Variants in PDE1C observed in about 807,000 individuals in gnomAD.
The protein encoded by PDE1C is phosphodiesterase 1C, also known as dual specificity calcium/calmodulin-dependent 3',5'-cyclic nucleotide phosphodiesterase 1C.
In PDE1C, 62 loss-of-function variants were observed where a neutral mutation model predicts 93.1. The ratio of observed to expected loss-of-function variants is 0.67; its 90% CI spans 0.54 to 0.82. PDE1C has a LOEUF of 0.82. Among genes scored for constraint, PDE1C ranks in the 40% least tolerant of loss-of-function variants. The probability of loss-of-function intolerance (pLI) is 0.00; values close to 1 mark genes in which losing one functional copy is unlikely to be tolerated. For synonymous variants in PDE1C, 325 were observed against 310.1 expected (o/e 1.05, Z -0.50); for missense variants, 742 against 884.6 (o/e 0.84, Z 2.04).
chr7:31,898,235 T>G (rs1799555732), intron 2 of PDE1C, among the ~76,000 whole-genome samples: 1 of 152,124 alleles, frequency 6.6e-6, no homozygotes, highest in African/African-American at 2.4e-5. Context: ...TTTAAAAGAA[T>G]CTATGGTTAT....
intron 1 of PDE1C, among the ~76,000 whole-genome samples, chr7:32,409,579 GA>G (rs1194697066): frequency 6.6e-6 from 1 of 151,924 alleles, no homozygotes; most frequent in Non-Finnish European, 1.5e-5. Flanking sequence ...AAGTAAAGTT[GA>G]TTCTAGAAAG....
At chr7:32,215,005 G>T (rs745860431) in intron 1 of PDE1C, among the ~76,000 whole-genome samples, 1 of 120,936 alleles carries the variant, frequency 8.3e-6, no homozygotes, top group African/African-American at 2.6e-5. Flanking sequence ...GATGATGCAG[G>T]TTCCTTGGTC....
At chr7:32,303,960 G>A (rs1045455097), upstream of PDE1C, among the ~76,000 whole-genome samples, 3 of 152,260 alleles carry the variant, frequency 2.0e-5, no homozygotes, top group Non-Finnish European at 4.4e-5. Flanking sequence ...TTTTATCATA[G>A]CCTTTGAAGT....
At chr7:32,220,625 C>A (rs1285851818) in intron 1 of PDE1C, among the ~76,000 whole-genome samples, 1 of 151,894 alleles carries the variant, frequency 6.6e-6, no homozygotes. Context: ...ACCATCCTGG[C>A]TAACACAGTG....
intron 2 of PDE1C, among the ~76,000 whole-genome samples, chr7:31,896,702 T>G (rs1001484654): frequency 5.3e-5 from 8 of 152,208 alleles, no homozygotes; most frequent in Non-Finnish European, 1.2e-4. Flanking sequence ...GGAATATTTT[T>G]TAAAGTACAG....
chr7:31,934,702 G>A (rs578169114), intron 2 of PDE1C, among the ~76,000 whole-genome samples: 11 of 152,258 alleles, frequency 7.2e-5, no homozygotes, highest in African/African-American at 2.4e-4. Context: ...TACGTTTGAG[G>A]AAGGGTAATC....
At chr7:31,665,045 T>A in the PDE1C span, among the ~76,000 whole-genome samples, 4 of 152,166 alleles carry the variant, frequency 2.6e-5, no homozygotes, top group Non-Finnish European at 5.9e-5. Flanking sequence ...CTTGCATAGC[T>A]CTCTGACCTA....
At chr7:32,206,349 C>G (rs1168986899) in intron 2 of PDE1C, among the ~76,000 whole-genome samples, 1 of 152,130 alleles carries the variant, frequency 6.6e-6, no homozygotes, top group Non-Finnish European at 1.5e-5. Flanking sequence ...CAGGTGCAGT[C>G]AACCAGACAC....
intron 2 of PDE1C, among the ~76,000 whole-genome samples, chr7:32,015,014 C>CT (rs888343938): frequency 3.8e-4 from 58 of 152,106 alleles, no homozygotes; most frequent in African/African-American, 1.2e-3. Flanking sequence ...GTTCTCAGTT[C>CT]TCACAAGATC....
At chr7:31,921,766 T>A (rs945968187) in intron 2 of PDE1C, among the ~76,000 whole-genome samples, 2 of 152,248 alleles carry the variant, frequency 1.3e-5, no homozygotes, top group Non-Finnish European at 2.9e-5. Context: ...ATAAAATTGC[T>A]TACTTTTAAT....
the PDE1C span, chr7:31,687,140 C>T: frequency 6.6e-6 from 1 of 152,456 alleles, no homozygotes; most frequent in Middle Eastern, 3.4e-3. Context: ...GCCCTGGTGC[C>T]TGTGAAACAG....
At chr7:31,729,614 T>C in the PDE1C span, among the ~76,000 whole-genome samples, 2 of 152,160 alleles carry the variant, frequency 1.3e-5, no homozygotes, top group African/African-American at 2.4e-5. Context: ...ATCAAGTGTA[T>C]TGGAGAAAGG....
At chr7:32,355,350 C>G (rs922364704) in intron 1 of PDE1C, among the ~76,000 whole-genome samples, 13 of 152,210 alleles carry the variant, frequency 8.5e-5, no homozygotes, top group Non-Finnish European at 2.9e-5. Flanking sequence ...ATAGAAAACA[C>G]GCAGCCCTGC....
chr7:31,744,172 A>G, the PDE1C span, among the ~76,000 whole-genome samples: 10 of 152,082 alleles, frequency 6.6e-5, no homozygotes, highest in African/African-American at 2.4e-4. Context: ...TTCTGTCTTT[A>G]TTATATTTAC....
chr7:32,129,504 T>TA (rs1245668029), intron 3 of PDE1C, among the ~76,000 whole-genome samples: 1 of 123,928 alleles, frequency 8.1e-6, no homozygotes, highest in Non-Finnish European at 1.6e-5. Flanking sequence ...ATTTTTGTAA[T>TA]AAAAAATACA....
chr7:32,356,893 G>A (rs1440375710), intron 1 of PDE1C, among the ~76,000 whole-genome samples: 2 of 152,058 alleles, frequency 1.3e-5, no homozygotes, highest in African/African-American at 4.8e-5. Context: ...TTTGAAAAGC[G>A]AGAGTACAGT....
chr7:31,897,566 C>T (rs1464529723), intron 2 of PDE1C, among the ~76,000 whole-genome samples: 1 of 152,184 alleles, frequency 6.6e-6, no homozygotes, highest in African/African-American at 2.4e-5. Flanking sequence ...ACTTTTACCT[C>T]ACAATGACGA....
intron 2 of PDE1C, among the ~76,000 whole-genome samples, chr7:31,956,536 A>G (rs1384795906): frequency 1.3e-5 from 2 of 151,442 alleles, no homozygotes; most frequent in African/African-American, 2.4e-5. Flanking sequence ...AAGCATTCCT[A>G]AGCAAACAGG....
At chr7:31,972,705 T>G (rs1811118201) in intron 2 of PDE1C, among the ~76,000 whole-genome samples, 1 of 152,044 alleles carries the variant, frequency 6.6e-6, no homozygotes, top group Non-Finnish European at 1.5e-5. Flanking sequence ...GCTGGGGACC[T>G]CAAAAGTCAA....
Sources: allele counts gnomAD v4.1 joint callset (sites outside exome capture counted in the v4.1 genomes callset), GRCh38; gene constraint gnomAD v4.1.1; transcripts MANE v1.5; gene names NCBI Gene and HGNC (gene_info 2026-07-23, HGNC 2026-07-21).